RXFP1: variants seen among roughly 807,000 people sequenced by gnomAD.
The protein encoded by RXFP1 is relaxin receptor 1.
In RXFP1, 73 loss-of-function variants were observed where a neutral mutation model predicts 89.8. The ratio of observed to expected loss-of-function variants is 0.81; its 90% CI spans 0.67 to 0.99. RXFP1 has a LOEUF of 0.99. Among genes scored for constraint, RXFP1 ranks in the 50% least tolerant of loss-of-function variants. The pLI is 0.00. For missense variants in RXFP1, 793 were observed against 895.5 expected, an observed-to-expected ratio of 0.89 and a Z score of 1.46; for synonymous variants, 277 against 305.5, an observed-to-expected ratio of 0.91 and a Z score of 0.97.
intron 9 of RXFP1, among the ~76,000 whole-genome samples, chr4:158,623,502 C>CAA (rs56692438): frequency 0.023 from 992 of 42,404 alleles, 75 homozygotes; most frequent in Non-Finnish European, 0.027. Flanking sequence ...AACTCCATCT[C>CAA]AAAAAAAAAA....
chr4:158,594,738 T>A (rs1177022684), intron 3 of RXFP1, among the ~76,000 whole-genome samples: 2 of 152,146 alleles, frequency 1.3e-5, no homozygotes, highest in South Asian at 4.1e-4. Context: ...AAACATGTAT[T>A]TTTTATAATA....
At position 158,628,580 on chromosome 4, in the gene RXFP1, T is replaced by C. The variant is rs1767388614; in HGVS notation, c.828-58T>C. On this transcript the variant is annotated intron_variant, in intron 10 of 17. Coordinates refer to ENST00000307765, the MANE Select transcript of RXFP1 (RefSeq NM_021634.4). ...TGTTTCTGCATACCGTTCCTCTCTTTAGTAATTCTTGTCGGTTACCTAAAG... is the reference window on the plus strand; with the variant it reads ...TGTTTCTGCATACCGTTCCTCTCTTCAGTAATTCTTGTCGGTTACCTAAAG... The C allele has an allele frequency of 6.2e-5, 49 of 784,562 alleles. 1 individual carries two copies. In the South Asian group the frequency reaches 7.8e-4, roughly 12 times the overall value. 48.6% of individuals were successfully genotyped at this position (784,562 alleles called of 1,614,324 possible). A position where few individuals can be genotyped will look rare whatever the true frequency, so the allele number is the denominator to read the frequency against.
At position 158,650,804 on chromosome 4, in the gene RXFP1, T is replaced by G. The variant is rs188625448; in HGVS notation, c.1976-953T>G. ...AACAATTGTATATATTAATACATAA[T>G]TTTAATTGTGTTCTGTACTATGGAT... On this transcript the variant is annotated intron_variant, in intron 17 of 17. Transcript: ENST00000307765. Among the ~76,000 whole-genome samples, 3 of 152,230 alleles carry G rather than the reference T, an allele frequency of 2.0e-5. No homozygotes were observed. In the East Asian group the frequency reaches 5.8e-4, roughly 29 times the overall value.
chr4:158,593,372 A>G (rs1759916348), intron 2 of RXFP1, 29 bp from the exon 3 acceptor site: 3 of 1,431,200 alleles, frequency 2.1e-6, no homozygotes, highest in Non-Finnish European at 2.9e-6. Flanking sequence ...TGTTCCTTGA[A>G]CTTTTTTGTT....
intron 17 of RXFP1, among the ~76,000 whole-genome samples, chr4:158,650,036 A>C (rs116227854): frequency 6.6e-6 from 1 of 152,264 alleles, no homozygotes; most frequent in African/African-American, 2.4e-5. Flanking sequence ...GTACATACGC[A>C]CAATGGATTA....
At chr4:158,610,152 C>G (rs1414587647) in intron 6 of RXFP1, among the ~76,000 whole-genome samples, 1 of 152,100 alleles carries the variant, frequency 6.6e-6, no homozygotes, top group Non-Finnish European at 1.5e-5. Context: ...GTAGTCCCAG[C>G]TACTCAGGAG....
chr4:158,638,046 A>G lies in RXFP1; in HGVS notation c.1010A>G (p.Asn337Ser). The change falls in exon 13 of 18, where the codon AAC becomes AGC. Residue 337 changes from asparagine to serine, a missense_variant. By Grantham distance (46) the Asn-to-Ser change is conservative. Transcript: ENST00000307765. ...AATCCAATCCAGAAAATTCAAGCAA[A>G]CCAATTTGATTATCTTGTCAAACTC... ...SYNPIQKIQA[N>S]QFDYLVKLKS... 6.2e-7 allele frequency: 1 copy of G among 1,605,192 alleles called. No individual in the cohort carries two copies. Among genetic ancestry groups the G allele is most frequent in the Non-Finnish European group, 8.5e-7 (1 of 1,172,886 alleles).
intron 4 of RXFP1, among the ~76,000 whole-genome samples, chr4:158,599,977 TA>T (rs767120807): frequency 6.6e-6 from 1 of 152,196 alleles, no homozygotes; most frequent in Non-Finnish European, 1.5e-5. Context: ...CTTACATATG[TA>T]AAAAAATTAT....
chr4:158,531,436 T>A (rs1455536483), intron 1 of RXFP1, among the ~76,000 whole-genome samples: 2 of 152,204 alleles, frequency 1.3e-5, no homozygotes, highest in African/African-American at 4.8e-5. Flanking sequence ...GATCCTCTCC[T>A]GACACACATA....
chr4:158,587,219 C>T (rs1275404929), intron 2 of RXFP1, among the ~76,000 whole-genome samples: 1 of 152,242 alleles, frequency 6.6e-6, no homozygotes, highest in East Asian at 1.9e-4. Flanking sequence ...GCCCATTTCT[C>T]ACTCACCTTC....
intron 6 of RXFP1, among the ~76,000 whole-genome samples, chr4:158,609,749 G>A (rs1027531976): frequency 6.6e-6 from 1 of 152,082 alleles, no homozygotes; most frequent in Admixed American, 6.6e-5. Context: ...GCTCTTTTAT[G>A]TCTTAGCAAA....
intron 16 of RXFP1, 87 bp downstream of exon 16, chr4:158,647,288 TC>T: frequency 9.4e-7 from 1 of 1,059,558 alleles, no homozygotes; most frequent in Non-Finnish European, 1.3e-6. Context: ...GTGAATTCTA[TC>T]AGAATCCCCA....
At chr4:158,632,823 A>G (rs1049122203) in intron 11 of RXFP1, among the ~76,000 whole-genome samples, 3 of 152,190 alleles carry the variant, frequency 2.0e-5, no homozygotes, top group African/African-American at 7.2e-5. Context: ...AAAAGAGAAC[A>G]AAGGAAGAAG....
chr4:158,560,853 A>G (rs1752284986), intron 1 of RXFP1, among the ~76,000 whole-genome samples: 2 of 152,228 alleles, frequency 1.3e-5, no homozygotes, highest in South Asian at 4.1e-4. Flanking sequence ...CACTGGTCGG[A>G]ACTGTGCCCC....
chr4:158,560,863 C>A (rs1459622207), intron 1 of RXFP1, among the ~76,000 whole-genome samples: 1 of 152,200 alleles, frequency 6.6e-6, no homozygotes, highest in Non-Finnish European at 1.5e-5. Flanking sequence ...AACTGTGCCC[C>A]TTAGACACCA....
intron 17 of RXFP1, among the ~76,000 whole-genome samples, chr4:158,649,604 C>A (rs1466826457): frequency 1.3e-5 from 2 of 151,836 alleles, no homozygotes; most frequent in Non-Finnish European, 2.9e-5. Flanking sequence ...GAGCAAGATC[C>A]TGTCTCAAAA....
In RXFP1 at chr4:158,612,114, A is replaced by G. The variant is rs1763692237; in HGVS notation, c.537-16A>G. ...AAAAATATACAAATTTATTGTAGTTATTTCTCCTTTTCCAGGTATCTCAGT... is the reference window on the plus strand; with the variant it reads ...AAAAATATACAAATTTATTGTAGTTGTTTCTCCTTTTCCAGGTATCTCAGT... On this transcript the variant is annotated splice_polypyrimidine_tract_variant and intron_variant, in intron 6 of 17. Transcript: ENST00000307765. 1 of 1,574,436 alleles carries G rather than the reference A, an allele frequency of 6.4e-7. No individual in the cohort carries two copies.
chr4:158,544,873 G>C (rs1188037786), intron 1 of RXFP1, among the ~76,000 whole-genome samples: 6 of 152,172 alleles, frequency 3.9e-5, no homozygotes, highest in Non-Finnish European at 8.8e-5. Flanking sequence ...TTGATTCCAA[G>C]TCCTTGCTAT....
At chr4:158,577,996 C>T (rs908335383) in intron 2 of RXFP1, among the ~76,000 whole-genome samples, 2 of 152,098 alleles carry the variant, frequency 1.3e-5, no homozygotes, top group African/African-American at 2.4e-5. Context: ...TTTTTGTGAA[C>T]ACAATGCAAG....
Sources: allele counts gnomAD v4.1 joint callset (sites outside exome capture counted in the v4.1 genomes callset), GRCh38; gene constraint gnomAD v4.1.1; transcripts MANE v1.5; gene names NCBI Gene and HGNC (gene_info 2026-07-23, HGNC 2026-07-21).